Variants in PIP5K1B observed in about 807,000 individuals in gnomAD.
The protein encoded by PIP5K1B is phosphatidylinositol 4-phosphate 5-kinase type-1 beta.
Under a neutral mutation model 67.0 loss-of-function variants are expected in PIP5K1B, and 42 were observed. That is an observed-to-expected ratio of 0.63 (90% CI 0.49 to 0.81). PIP5K1B has a LOEUF of 0.81. PIP5K1B is among the 30% of genes least tolerant of loss of function. PIP5K1B has a pLI of 0.00. For synonymous variants in PIP5K1B, 214 were observed against 231.4 expected (o/e 0.92, Z 0.68); for missense variants, 459 against 646.3 (o/e 0.71, Z 3.14).
chr9:68,721,228 A>G (rs1230883297), intron 1 of PIP5K1B, among the ~76,000 whole-genome samples: 5 of 152,196 alleles, frequency 3.3e-5, no homozygotes, highest in African/African-American at 1.2e-4. Flanking sequence ...TTGTTTCATA[A>G]TGGCAACATG....
intron 8 of PIP5K1B, 48 bp from the exon 9 acceptor site, chr9:68,917,500 G>A (rs773433792): frequency 3.2e-5 from 44 of 1,356,512 alleles, no homozygotes; most frequent in East Asian, 6.9e-5. Flanking sequence ...TAGATGAGAC[G>A]AACAGGCCTT....
chr9:68,794,206 C>T (rs1363618062), intron 2 of PIP5K1B, among the ~76,000 whole-genome samples: 1 of 152,192 alleles, frequency 6.6e-6, no homozygotes, highest in African/African-American at 2.4e-5. Context: ...CAATTGGAGA[C>T]AGCCAGATAG....
intron 7 of PIP5K1B, among the ~76,000 whole-genome samples, chr9:68,893,322 C>A (rs1824895494): frequency 7.5e-6 from 1 of 132,902 alleles, no homozygotes; most frequent in Non-Finnish European, 1.6e-5. Context: ...CATGTATTCC[C>A]TATTTTTTTT....
chr9:68,986,164 T>C (rs561200513), intron 14 of PIP5K1B, among the ~76,000 whole-genome samples: 17 of 152,314 alleles, frequency 1.1e-4, no homozygotes, highest in African/African-American at 1.4e-4. Context: ...GACCAAACAG[T>C]TTTCTGAAGT....
intron 1 of PIP5K1B, among the ~76,000 whole-genome samples, chr9:68,720,293 C>T (rs534166296): frequency 6.6e-6 from 1 of 152,320 alleles, no homozygotes; most frequent in South Asian, 2.1e-4. Context: ...TGCCAGATTA[C>T]AGTCTTTCTT....
At chr9:68,718,714 G>A (rs1047272809) in intron 1 of PIP5K1B, among the ~76,000 whole-genome samples, 6 of 152,188 alleles carry the variant, frequency 3.9e-5, no homozygotes, top group Middle Eastern at 3.2e-3. Flanking sequence ...AACAGAGTGT[G>A]TCTTTTATGC....
At chr9:68,926,707 G>C (rs1826723226) in intron 12 of PIP5K1B, among the ~76,000 whole-genome samples, 1 of 152,174 alleles carries the variant, frequency 6.6e-6, no homozygotes, top group African/African-American at 2.4e-5. Context: ...AAATAGCTGG[G>C]ATTACAGGCA....
intron 2 of PIP5K1B, among the ~76,000 whole-genome samples, chr9:68,796,659 C>T (rs919771761): frequency 2.6e-5 from 4 of 152,236 alleles, no homozygotes; most frequent in African/African-American, 4.8e-5. Context: ...CAGAGCAACC[C>T]GTAATTCATG....
chr9:68,803,692 T>A (rs779213692), intron 2 of PIP5K1B, among the ~76,000 whole-genome samples: 33 of 152,216 alleles, frequency 2.2e-4, no homozygotes, highest in Non-Finnish European at 4.3e-4. Context: ...TGCTAGAATG[T>A]CTAGGAATAC....
At chr9:68,994,036 A>T (rs1830497641) in intron 15 of PIP5K1B, among the ~76,000 whole-genome samples, 1 of 93,848 alleles carries the variant, frequency 1.1e-5, no homozygotes, top group Non-Finnish European at 2.4e-5. Flanking sequence ...TTTTTTCCTG[A>T]ATTTTTTTTT....
In PIP5K1B at chr9:68,847,413, TTGTGTGTG is replaced by T. The variant is rs777818994; in HGVS notation, c.70-16380_70-16373del. ...TAAATCAGCAACAACAGCAGTGGTT[TTGTGTGTG>T]TGTGTGTGTGTGTGTGTGTGTGTGT... On this transcript the variant is annotated intron_variant, in intron 4 of 15. Coordinates refer to ENST00000265382, the MANE Select transcript of PIP5K1B (RefSeq NM_003558.4). 8.0e-3 allele frequency among the ~76,000 whole-genome samples: 818 copies of T among 101,632 alleles called. 11 individuals are homozygous for T. The highest frequency in any genetic ancestry group is 0.027 in the African/African-American group (699 of 25,936). The allele number at this position is 101,632 out of a possible 152,430, so 66.7% of individuals were successfully genotyped here.
chr9:68,774,358 C>G (rs745877429), intron 2 of PIP5K1B, among the ~76,000 whole-genome samples: 17 of 152,264 alleles, frequency 1.1e-4, no homozygotes, highest in Non-Finnish European at 2.1e-4. Context: ...TTCTCTTCCA[C>G]TGATACTGTT....
chr9:68,909,012 A>G (rs557935234), intron 8 of PIP5K1B, among the ~76,000 whole-genome samples: 177 of 152,334 alleles, frequency 1.2e-3, no homozygotes, highest in African/African-American at 4.1e-3. Context: ...GAGATGGAAC[A>G]TAGCAAGTTT....
At chr9:68,712,054 C>T (rs1486098502) in intron 1 of PIP5K1B, among the ~76,000 whole-genome samples, 5 of 152,204 alleles carry the variant, frequency 3.3e-5, no homozygotes, top group Non-Finnish European at 7.3e-5. Context: ...ATGTGATTCC[C>T]CATGCTAGAG....
At chr9:68,829,745 T>A (rs1834180505) in intron 4 of PIP5K1B, among the ~76,000 whole-genome samples, 1 of 152,204 alleles carries the variant, frequency 6.6e-6, no homozygotes, top group South Asian at 2.1e-4. Flanking sequence ...ATTGATAAAA[T>A]GTAATTAATT....
chr9:68,879,735 A>G (rs185142574), intron 6 of PIP5K1B, among the ~76,000 whole-genome samples: 1 of 152,290 alleles, frequency 6.6e-6, no homozygotes, highest in East Asian at 1.9e-4. Flanking sequence ...GGATATCCCA[A>G]TTACTCTTAT....
At chr9:68,778,041 C>A (rs949199639) in intron 2 of PIP5K1B, among the ~76,000 whole-genome samples, 1 of 152,210 alleles carries the variant, frequency 6.6e-6, no homozygotes, top group Non-Finnish European at 1.5e-5. Context: ...TCTGCCTTTC[C>A]CAACTTTGGT....
intron 8 of PIP5K1B, among the ~76,000 whole-genome samples, chr9:68,913,920 A>G (rs1163060510): frequency 6.6e-6 from 1 of 152,070 alleles, no homozygotes; most frequent in Non-Finnish European, 1.5e-5. Context: ...GTCTTACTTT[A>G]TCCAATAGTT....
intron 5 of PIP5K1B, among the ~76,000 whole-genome samples, chr9:68,874,264 C>T (rs1227699851): frequency 6.6e-6 from 1 of 152,146 alleles, no homozygotes; most frequent in Admixed American, 6.6e-5. Flanking sequence ...CTTAATATGG[C>T]CCAAAGATAG....
Sources: allele counts gnomAD v4.1 joint callset (sites outside exome capture counted in the v4.1 genomes callset), GRCh38; gene constraint gnomAD v4.1.1; transcripts MANE v1.5; gene names NCBI Gene and HGNC (gene_info 2026-07-23, HGNC 2026-07-21).